CRHBP: variants seen among roughly 807,000 people sequenced by gnomAD.
CRHBP encodes the protein corticotropin releasing hormone binding protein.
A neutral mutation model predicts 34.9 loss-of-function variants in CRHBP; 19 were observed. The ratio of observed to expected loss-of-function variants is 0.55; its 90% CI spans 0.38 to 0.80. The LOEUF is 0.80. Ranked by LOEUF, CRHBP falls within the 30% of genes least tolerant of loss-of-function variation. CRHBP has a pLI of 0.00. For missense variants in CRHBP, 328 were observed against 409.2 expected (o/e 0.80, Z 1.71); for synonymous variants, 154 against 153.4 (o/e 1.00, Z -0.03).
At chr5:76,975,825 A>AAAAAAAAAAC in intron 2 of CRHBP, among the ~76,000 whole-genome samples, 6 of 61,860 alleles carry the variant, frequency 9.7e-5, no homozygotes, top group African/African-American at 4.6e-4. Context: ...AAAAAAAAAA[A>AAAAAAAAAAC]ATATATATAT....
At chr5:76,957,409 C>T (rs111744183) in intron 4 of CRHBP, among the ~76,000 whole-genome samples, 9,669 of 152,186 alleles carry the variant, frequency 0.064, 1,026 homozygotes, top group African/African-American at 0.22. Flanking sequence ...TTATTTGAGA[C>T]GGAGTGTTGC....
downstream of CRHBP, among the ~76,000 whole-genome samples, chr5:76,969,934 CTTTTTTTTTTTTTTTTTTTT>C (rs201228247): frequency 1.1e-4 from 7 of 61,628 alleles, no homozygotes; most frequent in East Asian, 4.8e-4. Flanking sequence ...AAAGAAAATT[CTTTTTTTTTTTTTTTTTTTT>C]TTTTTTTTTT....
At chr5:76,977,398 A>C (rs1481076669) in intron 3 of CRHBP, among the ~76,000 whole-genome samples, 1 of 152,148 alleles carries the variant, frequency 6.6e-6, no homozygotes, top group Non-Finnish European at 1.5e-5. Flanking sequence ...TTTTTCCAAC[A>C]ACATGTGTTC....
At chr5:76,958,215 T>C (rs1400795697) in intron 4 of CRHBP, among the ~76,000 whole-genome samples, 1 of 152,052 alleles carries the variant, frequency 6.6e-6, no homozygotes, top group Non-Finnish European at 1.5e-5. Context: ...ATGGTGAAGC[T>C]GCCGAGCTGC....
At chr5:76,968,235 C>G (rs1263625707) in intron 6 of CRHBP, among the ~76,000 whole-genome samples, 1 of 149,682 alleles carries the variant, frequency 6.7e-6, no homozygotes, top group Non-Finnish European at 1.5e-5. Flanking sequence ...CATAAATGTC[C>G]CGCAGTACAT....
chr5:76,965,626 T>G (rs1030217306), intron 6 of CRHBP, among the ~76,000 whole-genome samples: 2 of 152,200 alleles, frequency 1.3e-5, no homozygotes, highest in African/African-American at 2.4e-5. Flanking sequence ...ACAATTTAGA[T>G]AATTGAAGCC....
At chr5:76,964,141 C>G (rs1038477328) in intron 6 of CRHBP, among the ~76,000 whole-genome samples, 1 of 152,082 alleles carries the variant, frequency 6.6e-6, no homozygotes, top group African/African-American at 2.4e-5. Flanking sequence ...ATGGATGGGA[C>G]TTCATGACCT....
Position 76,954,180 on chromosome 5 carries a change from C to G in CRHBP, c.327C>G (p.Phe109Leu), listed in dbSNP as rs1377716996. ...CCATCGACTGTCAGGGCGGCGACTT[C>G]CTGAAGGTGAGGCGCCCACGGCCAG... ...QVSIDCQGGD[F>L]LKVFDGWILK... The change falls in exon 3 of 7, where the codon TTC becomes TTG. Residue 109 changes from phenylalanine (F) to leucine (L), a missense_variant. Around this residue, in one of 3 missense-constraint regions of CRHBP, gnomAD observed 173 missense variants for 172.2 expected, o/e 1.00. Transcript: ENST00000274368. 2 of 1,612,728 alleles carry G rather than the reference C, an allele frequency of 1.2e-6. No homozygotes were observed. Among genetic ancestry groups the G allele is most frequent in the Non-Finnish European group, 1.7e-6 (2 of 1,179,464 alleles).
At chr5:76,970,411 GA>G (rs141544188), downstream of CRHBP, among the ~76,000 whole-genome samples, 7 of 147,338 alleles carry the variant, frequency 4.8e-5, no homozygotes, top group Non-Finnish European at 7.5e-5. Context: ...AAACCAGGCA[GA>G]AAAAAAAAAC....
At chr5:76,957,136 T>A (rs1161336425) in intron 4 of CRHBP, among the ~76,000 whole-genome samples, 1 of 152,074 alleles carries the variant, frequency 6.6e-6, no homozygotes, top group Non-Finnish European at 1.5e-5. Flanking sequence ...GCCCAGGAGT[T>A]TAAGATCAGG....
intron 2 of CRHBP, among the ~76,000 whole-genome samples, chr5:76,975,902 GTGTGTATATATA>G (rs1297525903): frequency 9.5e-5 from 12 of 126,330 alleles, no homozygotes; most frequent in South Asian, 2.5e-4. Context: ...GTGTATATAT[GTGTGTATATATA>G]TGTGTATATA....
chr5:76,967,250 G>C (rs1745873737), intron 6 of CRHBP, among the ~76,000 whole-genome samples: 1 of 151,996 alleles, frequency 6.6e-6, no homozygotes, highest in Non-Finnish European at 1.5e-5. Flanking sequence ...ACAAAAAAAA[G>C]AAAGGAAAGG....
chr5:76,967,192 A>G (rs941121205), intron 6 of CRHBP, among the ~76,000 whole-genome samples: 2 of 152,286 alleles, frequency 1.3e-5, no homozygotes, highest in African/African-American at 2.4e-5. Flanking sequence ...CAGCGAGCCA[A>G]GATGGCACCA....
At chr5:76,953,409 C>T in intron 1 of CRHBP, 192 bp from the exon 2 acceptor site, 1 of 837,578 alleles carries the variant, frequency 1.2e-6, no homozygotes, top group Non-Finnish European at 2.0e-6. Flanking sequence ...TGCCTGCCTT[C>T]CTCTGGCCGC....
chr5:76,958,647 G>C (rs1745727205), intron 4 of CRHBP, 94 bp from the exon 5 acceptor site: 3 of 1,401,420 alleles, frequency 2.1e-6, no homozygotes, highest in Non-Finnish European at 2.9e-6. Context: ...CCTAGATCAT[G>C]AACAGGAGCC....
In CRHBP at chr5:76,969,111, CT is replaced by C. The variant is rs1211594623; in HGVS notation, c.*227del. The C allele has an allele frequency of 4.7e-6, 2 of 427,240 alleles. No homozygotes were observed. Among genetic ancestry groups the C allele is most frequent in the African/African-American group, 4.1e-5 (2 of 48,940 alleles). The allele number at this position is 427,240 out of a possible 1,614,324, so 26.5% of individuals were successfully genotyped here. A position where few individuals can be genotyped will look rare whatever the true frequency, so the allele number is the denominator to read the frequency against. On this transcript the variant is annotated 3_prime_UTR_variant, in exon 7 of 7. Transcript: ENST00000274368. The stretch of plus-strand genomic sequence containing the variant: ...ATGAACACATGGCAGAAAATAACCC[CT>C]GATTGGTAGGATCATAGTTCTAAAT...
intron 3 of CRHBP, among the ~76,000 whole-genome samples, chr5:76,954,964 T>A (rs1016513310): frequency 6.6e-6 from 1 of 152,226 alleles, no homozygotes; most frequent in Admixed American, 6.5e-5. Flanking sequence ...GTAATTTTGC[T>A]AATGTGGACT....
chr5:76,953,812 C>G, intron 2 of CRHBP, 118 bp downstream of exon 2: 1 of 1,230,248 alleles, frequency 8.1e-7, no homozygotes, highest in Non-Finnish European at 1.1e-6. Context: ...CCGCCAGGGG[C>G]GCGGTCCCCT....
intron 3 of CRHBP, among the ~76,000 whole-genome samples, chr5:76,954,738 G>C (rs576887533): frequency 6.6e-6 from 1 of 152,250 alleles, no homozygotes; most frequent in South Asian, 2.1e-4. Flanking sequence ...TGCCGAGGGG[G>C]CATCTAGATT....
Sources: allele counts gnomAD v4.1 joint callset (sites outside exome capture counted in the v4.1 genomes callset), GRCh38; gene constraint gnomAD v4.1.1; regional missense constraint gnomAD v4.1.1; transcripts MANE v1.5; gene names NCBI Gene and HGNC (gene_info 2026-07-23, HGNC 2026-07-21).